The following VIRMA variants were observed in gnomAD, a reference collection of about 807,000 sequenced individuals.
The protein encoded by VIRMA is vir like m6A methyltransferase associated.
A neutral mutation model predicts 182.4 loss-of-function variants in VIRMA; 65 were observed. That is an observed-to-expected ratio of 0.36 (90% CI 0.29 to 0.44). VIRMA has a LOEUF of 0.44. VIRMA is among the 20% of genes least tolerant of loss of function. The probability of loss-of-function intolerance (pLI) is 1.00; values close to 1 mark genes in which losing one functional copy is unlikely to be tolerated. For synonymous variants in VIRMA, 709 were observed against 743.1 expected, an observed-to-expected ratio of 0.95 and a Z score of 0.75; for missense variants, 1,752 against 2,158.1, an observed-to-expected ratio of 0.81 and a Z score of 3.73.
rs1439221989 is a variant in VIRMA, at chr8:94,511,411, C to G, written c.3164G>C (p.Ser1055Thr). Residue 1055 changes from serine to threonine, a missense_variant, in exon 13 of 24, where the codon AGT (serine) becomes ACT (threonine). Physicochemically the swap from Ser to Thr is moderately conservative, Grantham distance 58. This residue lies in a region of VIRMA where 777 missense variants were observed against 920.6 expected (regional missense o/e 0.84). Transcript: ENST00000297591. ...CSIPLSGRLD[S>T]DEQKIQNDII... ...ATCATTCTGAATTTTCTGTTCATCA[C>G]TATCCAAACGACCTGAGAGGGGGAT... 4.3e-6 allele frequency: 7 copies of G among 1,614,064 alleles called. No individual in the cohort carries two copies. The highest frequency in any genetic ancestry group is 5.9e-6 in the Non-Finnish European group (7 of 1,179,998).
intron 1 of VIRMA, among the ~76,000 whole-genome samples, chr8:94,546,043 C>T (rs1213011825): frequency 3.5e-5 from 5 of 142,480 alleles, no homozygotes; most frequent in African/African-American, 1.5e-4. Context: ...AGCAACAAAG[C>T]GAGACTCTGT....
chr8:94,515,478 C>T (rs1814531680), intron 10 of VIRMA, among the ~76,000 whole-genome samples: 1 of 152,132 alleles, frequency 6.6e-6, no homozygotes, highest in East Asian at 1.9e-4. Context: ...CTCAATCAAT[C>T]CTCCTGCTTC....
rs1177917050 is a variant in VIRMA, at chr8:94,491,901, G to T, written c.4817C>A (p.Ser1606Tyr). 5 of 1,540,210 alleles carry T rather than the reference G, an allele frequency of 3.2e-6. No homozygotes were observed. The highest frequency in any genetic ancestry group is 4.2e-5 in the Admixed American group (2 of 47,936). Residue 1606 changes from serine to tyrosine, a missense_variant, in exon 22 of 24, where the codon TCT becomes TAT. Ser to Tyr is a moderately radical substitution (Grantham distance 144). Coordinates refer to ENST00000297591, the MANE Select transcript of VIRMA (RefSeq NM_015496.5). ...TCTTTTGGCAGGTTCAATGTATTCA[G>T]ATTTTCCACTATTAAAACAAAAACA... is the stretch of plus-strand genomic sequence containing the variant. The part of the protein sequence containing the change: ...HETFITSSGK[S>Y]EYIEPAKRAH...
intron 10 of VIRMA, among the ~76,000 whole-genome samples, chr8:94,515,938 T>C (rs1814546887): frequency 6.6e-6 from 1 of 151,334 alleles, no homozygotes; most frequent in African/African-American, 2.4e-5. Context: ...CCTACTTTAG[T>C]CCCTACTAGA....
chr8:94,510,398 TA>T lies in VIRMA; in HGVS notation c.3626+18del. ...AAAAATAATTTGAGGAAAAAATTTTTAATGCAAAATGAAAATACCTTTGCAA... is the reference window on the plus strand; with the variant it reads ...AAAAATAATTTGAGGAAAAAATTTTTATGCAAAATGAAAATACCTTTGCAA... On this transcript the variant is annotated intron_variant, in intron 14 of 23. Coordinates refer to ENST00000297591, the MANE Select transcript of VIRMA (RefSeq NM_015496.5). 6.3e-7 allele frequency: 1 copy of T among 1,588,130 alleles called. No homozygotes were observed. Among genetic ancestry groups the T allele is most frequent in the Non-Finnish European group, 8.6e-7 (1 of 1,162,250 alleles).
chr8:94,518,250 G>A (rs573315592), intron 9 of VIRMA, among the ~76,000 whole-genome samples: 1 of 152,204 alleles, frequency 6.6e-6, no homozygotes, highest in Non-Finnish European at 1.5e-5. Flanking sequence ...AGGTTAGGAA[G>A]TATACTTCAT....
At position 94,511,035 on chromosome 8, in the gene VIRMA, T is replaced by C. The variant is rs775071761; in HGVS notation, c.3390+150A>G. On this transcript the variant is annotated intron_variant, in intron 13 of 23. Coordinates refer to ENST00000297591, the MANE Select transcript of VIRMA (RefSeq NM_015496.5). ...CCCCATATTTCCTCAATGACCAACT[T>C]GTTTCAGTTTTATCTCCCCCTCATC... is the stretch of plus-strand genomic sequence containing the variant. 405 of 1,422,300 alleles carry C rather than the reference T, an allele frequency of 2.8e-4. 1 individual carries two copies. The highest frequency in any genetic ancestry group is 5.5e-5 in the Non-Finnish European group (60 of 1,090,476). 88.1% of individuals were successfully genotyped at this position (1,422,300 alleles called of 1,614,324 possible). A position where few individuals can be genotyped will look rare whatever the true frequency, so the allele number is the denominator to read the frequency against.
At position 94,501,342 on chromosome 8, in the gene VIRMA, T is replaced by C. The variant is rs530663493; in HGVS notation, c.4098-1836A>G. On this transcript the variant is annotated intron_variant, in intron 16 of 23. Coordinates refer to ENST00000297591, the MANE Select transcript of VIRMA (RefSeq NM_015496.5). ...CTATGACCAATGAATCTAACTATAT[T>C]ACAAATGAACCATATAACCAAACTG... 2.0e-5 allele frequency among the ~76,000 whole-genome samples: 3 copies of C among 151,242 alleles called. No homozygotes were observed. The South Asian group carries it at 6.3e-4, about 32-fold the overall frequency.
intron 17 of VIRMA, chr8:94,498,315 C>A (rs115325515): frequency 6.6e-6 from 1 of 152,202 alleles, no homozygotes; most frequent in Admixed American, 6.5e-5. Context: ...CATATTTGTA[C>A]GATAGACCAA....
rs185586879 is a variant in VIRMA at position 94,488,788 on chromosome 8, T to C, written c.5357A>G (p.Asn1786Ser). Residue 1786 changes from asparagine to serine, a missense_variant, in exon 24 of 24, where the codon AAT becomes AGT. By Grantham distance (46) the Asn-to-Ser change is conservative (BLOSUM62 1). Transcript: ENST00000297591. ...GGLGPSWASANSGSGGSRGKF... is the reference protein window; with the variant it reads ...GGLGPSWASASSGSGGSRGKF... Reference sequence around the variant, plus strand: ...TCCTCTTGAGCCTCCACTGCCGCTATTTGCACTAGCCCAGGAAGGTCCAAG... The same window carrying C: ...TCCTCTTGAGCCTCCACTGCCGCTACTTGCACTAGCCCAGGAAGGTCCAAG... 7 of 1,614,210 alleles carry C rather than the reference T, an allele frequency of 4.3e-6. No individual in the cohort carries two copies. In the East Asian group the frequency reaches 1.3e-4, roughly 31 times the overall value.
At chr8:94,535,320 G>A (rs1815302775) in intron 4 of VIRMA, among the ~76,000 whole-genome samples, 1 of 152,130 alleles carries the variant, frequency 6.6e-6, no homozygotes, top group Non-Finnish European at 1.5e-5. Flanking sequence ...AGGAGTTATT[G>A]CTAATTAATA....
At chr8:94,549,188 G>A (rs890892462) in intron 1 of VIRMA, among the ~76,000 whole-genome samples, 5 of 152,174 alleles carry the variant, frequency 3.3e-5, no homozygotes, top group Non-Finnish European at 5.9e-5. Flanking sequence ...TTATAAATGT[G>A]TATCAATTGT....
At chr8:94,529,784 C>T (rs778590628) in intron 6 of VIRMA, among the ~76,000 whole-genome samples, 13 of 151,948 alleles carry the variant, frequency 8.6e-5, no homozygotes, top group Non-Finnish European at 1.6e-4. Flanking sequence ...GGATTACAGG[C>T]GTGTAACACC....
At chr8:94,495,948 C>A in intron 18 of VIRMA, 57 bp from the exon 19 acceptor site, 2 of 1,457,434 alleles carry the variant, frequency 1.4e-6, no homozygotes, top group East Asian at 2.3e-5. Flanking sequence ...GTCTGTAAAC[C>A]TACTGACTCT....
Position 94,527,350 on chromosome 8 carries a change from A to G in VIRMA, c.894T>C (p.Tyr298=), listed in dbSNP as rs1815007832. ...CATCTTCATCACTGGAAATTTGTTC[A>G]TAACCATCATCCCCTGAAAATTAGT... ...EDEEGEGDDG[Y]EQISSDEDGI... Residue 298 remains tyrosine, a synonymous_variant, in exon 8 of 24, where the codon TAT becomes TAC. Coordinates refer to ENST00000297591, the MANE Select transcript of VIRMA (RefSeq NM_015496.5). 1 of 1,571,068 alleles carries G rather than the reference A, an allele frequency of 6.4e-7. No homozygotes were observed. The highest frequency in any genetic ancestry group is 8.7e-7 in the Non-Finnish European group (1 of 1,155,556).
intron 16 of VIRMA, among the ~76,000 whole-genome samples, chr8:94,500,293 G>T (rs763591317): frequency 2.7e-4 from 41 of 152,166 alleles, no homozygotes; most frequent in Non-Finnish European, 4.6e-4. Flanking sequence ...CAGCTACTGG[G>T]GAGGCTGAGG....
At chr8:94,509,108 T>C (rs1490452953) in intron 15 of VIRMA, among the ~76,000 whole-genome samples, 1 of 152,068 alleles carries the variant, frequency 6.6e-6, no homozygotes, top group Non-Finnish European at 1.5e-5. Flanking sequence ...AATTTAAGAA[T>C]GACTTGGTGT....
At chr8:94,530,366 A>G (rs1006119015) in intron 6 of VIRMA, among the ~76,000 whole-genome samples, 58 of 151,956 alleles carry the variant, frequency 3.8e-4, no homozygotes, top group African/African-American at 1.3e-3. Context: ...GCGTGGTGGT[A>G]TACACCTGTG....
chr8:94,499,525 A>T lies in VIRMA; in HGVS notation c.4098-19T>A, dbSNP rs570929400. ...TAAAGAACTGTAAATAAAGAAAATA[A>T]AGAGAAGATATTATCTTAAAATATG... On this transcript the variant is annotated intron_variant, in intron 16 of 23. Transcript: ENST00000297591. 42 of 1,404,498 alleles carry T rather than the reference A, an allele frequency of 3.0e-5. 1 individual carries two copies. In the Middle Eastern group the frequency reaches 5.4e-4, roughly 18 times the overall value. 87.0% of individuals were successfully genotyped at this position (1,404,498 alleles called of 1,614,324 possible).
Sources: allele counts gnomAD v4.1 joint callset (sites outside exome capture counted in the v4.1 genomes callset), GRCh38; gene constraint gnomAD v4.1.1; regional missense constraint gnomAD v4.1.1; transcripts MANE v1.5; gene names NCBI Gene and HGNC (gene_info 2026-07-23, HGNC 2026-07-21).